The following PRR5L variants were observed in gnomAD, a reference collection of about 807,000 sequenced individuals.
PRR5L encodes the protein proline rich 5 like.
In PRR5L, 21 loss-of-function variants were observed where a neutral mutation model predicts 36.4. The observed-to-expected ratio is 0.58, with a 90% confidence interval of 0.41 to 0.83. PRR5L has a LOEUF of 0.83. Among genes scored for constraint, PRR5L ranks in the 40% least tolerant of loss-of-function variants. The pLI, the probability that PRR5L is intolerant of heterozygous loss-of-function variation, is 0.00. For missense variants in PRR5L, 381 were observed against 473.3 expected, an observed-to-expected ratio of 0.80 and a Z score of 1.81; for synonymous variants, 188 against 197.0, an observed-to-expected ratio of 0.95 and a Z score of 0.38.
chr11:36,418,665 G>A (rs1279759411), intron 3 of PRR5L, among the ~76,000 whole-genome samples: 5 of 151,952 alleles, frequency 3.3e-5, no homozygotes, highest in Admixed American at 1.3e-4. Flanking sequence ...GCATGGTGGC[G>A]GGCGCCTGTG....
chr11:36,434,249 A>G (rs1392599402), intron 5 of PRR5L, among the ~76,000 whole-genome samples: 5 of 152,234 alleles, frequency 3.3e-5, no homozygotes, highest in African/African-American at 1.2e-4. Flanking sequence ...TGTTCTGTAC[A>G]GTGAATAGGC....
intron 1 of PRR5L, among the ~76,000 whole-genome samples, chr11:36,396,838 A>G (rs983997150): frequency 2.0e-5 from 3 of 152,148 alleles, no homozygotes; most frequent in Admixed American, 2.0e-4. Flanking sequence ...AAATATGGTC[A>G]TAGAGTTCCT....
chr11:36,408,502 A>C (rs1857956350), intron 3 of PRR5L, among the ~76,000 whole-genome samples: 1 of 152,188 alleles, frequency 6.6e-6, no homozygotes, highest in Admixed American at 6.5e-5. Flanking sequence ...CAGGCATCCC[A>C]ATCAACAATT....
chr11:36,415,479 CA>C (rs1263152923), intron 3 of PRR5L, among the ~76,000 whole-genome samples: 1 of 152,244 alleles, frequency 6.6e-6, no homozygotes, highest in African/African-American at 2.4e-5. Context: ...CACAGTGGCT[CA>C]TGCCTGTAAT....
At chr11:36,340,179 C>T (rs1856805204) in intron 1 of PRR5L, among the ~76,000 whole-genome samples, 1 of 152,178 alleles carries the variant, frequency 6.6e-6, no homozygotes, top group Non-Finnish European at 1.5e-5. Flanking sequence ...TTCTGTCCAG[C>T]CCAGTATTTA....
intron 1 of PRR5L, among the ~76,000 whole-genome samples, chr11:36,339,014 C>T (rs1856794179): frequency 6.6e-6 from 1 of 152,206 alleles, no homozygotes; most frequent in African/African-American, 2.4e-5. Context: ...CCTCCTCATT[C>T]TCTCTTGCCA....
chr11:36,366,379 G>A (rs551511431), intron 1 of PRR5L, among the ~76,000 whole-genome samples: 16 of 149,370 alleles, frequency 1.1e-4, no homozygotes, highest in Admixed American at 2.1e-4. Flanking sequence ...TAATTTTTTT[G>A]TTTTTATCAA....
At chr11:36,398,091 T>A (rs1424692692) in intron 1 of PRR5L, among the ~76,000 whole-genome samples, 1 of 152,146 alleles carries the variant, frequency 6.6e-6, no homozygotes, top group Non-Finnish European at 1.5e-5. Flanking sequence ...GTGAGCTTAG[T>A]CTTGAGGATA....
At chr11:36,394,983 A>G (rs756219629) in intron 1 of PRR5L, among the ~76,000 whole-genome samples, 2 of 152,194 alleles carry the variant, frequency 1.3e-5, no homozygotes, top group Non-Finnish European at 2.9e-5. Flanking sequence ...CTTCAGAGCT[A>G]TAAGCATTAT....
chr11:36,345,229 G>A (rs1244802407), intron 1 of PRR5L, among the ~76,000 whole-genome samples: 1 of 152,106 alleles, frequency 6.6e-6, no homozygotes, highest in Non-Finnish European at 1.5e-5. Context: ...AAGGGGGCAC[G>A]TGACTGCCAG....
intron 1 of PRR5L, among the ~76,000 whole-genome samples, chr11:36,298,700 G>A (rs1215032689): frequency 4.6e-5 from 7 of 152,178 alleles, no homozygotes; most frequent in Admixed American, 3.9e-4. Flanking sequence ...TCCATGGCCC[G>A]GGAGTTGGGG....
At chr11:36,417,361 G>A (rs987834688) in intron 3 of PRR5L, among the ~76,000 whole-genome samples, 7 of 152,290 alleles carry the variant, frequency 4.6e-5, no homozygotes, top group Non-Finnish European at 7.3e-5. Flanking sequence ...CAAAGCCTCC[G>A]TCCACTTGGG....
At chr11:36,404,380 C>T (rs11033591) in intron 3 of PRR5L, among the ~76,000 whole-genome samples, 34,727 of 151,418 alleles carry the variant, frequency 0.23, 5,639 homozygotes, top group African/African-American at 0.47. Flanking sequence ...CAAGCAATTC[C>T]CTGCCTCAGT....
At chr11:36,351,784 T>TAA (rs61146122) in intron 1 of PRR5L, among the ~76,000 whole-genome samples, 1 of 107,818 alleles carries the variant, frequency 9.3e-6, no homozygotes, top group Non-Finnish European at 1.8e-5. Flanking sequence ...TATTTATATA[T>TAA]TTTTTTTATA....
intron 1 of PRR5L, among the ~76,000 whole-genome samples, chr11:36,382,973 C>T (rs72950076): frequency 0.043 from 6,572 of 152,184 alleles, 160 homozygotes; most frequent in East Asian, 0.1. Flanking sequence ...TAGAGATGGC[C>T]TGGAATTCTT....
chr11:36,320,337 G>A (rs1030319234), intron 1 of PRR5L, among the ~76,000 whole-genome samples: 1 of 149,882 alleles, frequency 6.7e-6, no homozygotes, highest in Non-Finnish European at 1.5e-5. Flanking sequence ...TCTGCCTCCC[G>A]GGTTCAAGCG....
At chr11:36,363,482 C>T (rs1017991137) in intron 1 of PRR5L, among the ~76,000 whole-genome samples, 2 of 152,162 alleles carry the variant, frequency 1.3e-5, no homozygotes, top group African/African-American at 4.8e-5. Flanking sequence ...AGCTCCTCAC[C>T]GCTTCCTTAG....
At position 36,344,549 on chromosome 11, in the gene PRR5L, C is replaced by T. The variant is rs1590461800; in HGVS notation, c.-126+48111C>T. ...CTATTGTCAATAACAACAAAACGGC[C>T]ATCTCTGAAGGTGATTTTTGTTTAT... is the stretch of plus-strand genomic sequence containing the variant. On this transcript the variant is annotated intron_variant, in intron 1 of 8. Transcript: ENST00000530639. The surrounding 1 kb of genome is among the most constrained non-coding windows in gnomAD (Gnocchi z 4.1). Among the ~76,000 whole-genome samples the T allele has an allele frequency of 6.6e-6, 1 of 152,296 alleles. No homozygotes were observed. The highest frequency in any genetic ancestry group is 6.5e-5 in the Admixed American group (1 of 15,310).
At chr11:36,365,353 C>A (rs1165232284) in intron 1 of PRR5L, among the ~76,000 whole-genome samples, 1 of 152,136 alleles carries the variant, frequency 6.6e-6, no homozygotes, top group African/African-American at 2.4e-5. Context: ...CAATTAAGAT[C>A]TCCCCTCGTC....
Sources: gnomAD v4.1 joint callset for allele counts (sites outside exome capture counted in the v4.1 genomes callset) on GRCh38, gnomAD v4.1.1 for gene constraint, Gnocchi (gnomAD v3.1) non-coding constraint, MANE v1.5 for transcripts, NCBI Gene and HGNC (gene_info 2026-07-23, HGNC 2026-07-21) for gene names.